EVI5: variants seen among roughly 807,000 people sequenced by gnomAD.
EVI5 encodes ecotropic viral integration site 5.
EVI5 carries 73 observed loss-of-function variants against 112.0 expected under a neutral mutation model. The observed-to-expected ratio is 0.65, with a 90% CI of 0.54 to 0.79. The LOEUF (loss-of-function observed/expected upper bound fraction) is 0.79, where lower values mean the gene tolerates loss of function less well. Ranked by LOEUF, EVI5 falls within the 30% of genes least tolerant of loss-of-function variation. The pLI is 0.00. For missense variants in EVI5, 900 were observed against 968.8 expected (o/e 0.93, Z 0.94); for synonymous variants, 305 against 319.9 (o/e 0.95, Z 0.50).
chr1:92,788,253 C>T (rs943870511), upstream of EVI5, among the ~76,000 whole-genome samples: 1 of 149,802 alleles, frequency 6.7e-6, no homozygotes, highest in African/African-American at 2.5e-5. Context: ...GTGGATTGCC[C>T]GAGCGGAAGA....
chr1:92,672,318 C>T (rs775230120), intron 10 of EVI5, among the ~76,000 whole-genome samples: 5 of 152,184 alleles, frequency 3.3e-5, no homozygotes, highest in African/African-American at 9.6e-5. Context: ...TTATCTGCAA[C>T]CTGCTCCATC....
chr1:92,663,973 C>G (rs1226419646), intron 11 of EVI5, among the ~76,000 whole-genome samples: 1 of 152,204 alleles, frequency 6.6e-6, no homozygotes, highest in East Asian at 1.9e-4. Flanking sequence ...ATCTTGAACT[C>G]CTGGCCTTAC....
chr1:92,532,880 A>G (rs1663115672), intron 19 of EVI5, among the ~76,000 whole-genome samples: 1 of 152,186 alleles, frequency 6.6e-6, no homozygotes, highest in South Asian at 2.1e-4. Context: ...AAAGAACTAG[A>G]GAAGCAGGAG....
intron 13 of EVI5, among the ~76,000 whole-genome samples, chr1:92,658,036 G>A (rs571589100): frequency 6.6e-6 from 1 of 152,252 alleles, no homozygotes; most frequent in South Asian, 2.1e-4. Flanking sequence ...ATCTCAACAT[G>A]AAATCTGGAA....
intron 10 of EVI5, among the ~76,000 whole-genome samples, chr1:92,667,197 C>A (rs747238334): frequency 6.6e-6 from 1 of 152,086 alleles, no homozygotes; most frequent in Non-Finnish European, 1.5e-5. Context: ...AGGGGGAAGA[C>A]GGCCTCAGCC....
At chr1:92,783,510 AAAG>A (rs1161210558) in intron 1 of EVI5, among the ~76,000 whole-genome samples, 3 of 148,844 alleles carry the variant, frequency 2.0e-5, no homozygotes, top group Non-Finnish European at 3.0e-5. Flanking sequence ...AAAAAAAAGA[AAAG>A]AAAAGAAAAG....
chr1:92,715,869 G>A (rs952392975), intron 2 of EVI5, among the ~76,000 whole-genome samples: 3 of 152,172 alleles, frequency 2.0e-5, no homozygotes, highest in African/African-American at 7.2e-5. Context: ...TAGCTCAGCA[G>A]TCTGATATCG....
At chr1:92,661,993 TA>T (rs1428983541) in intron 13 of EVI5, among the ~76,000 whole-genome samples, 1 of 152,112 alleles carries the variant, frequency 6.6e-6, no homozygotes, top group Non-Finnish European at 1.5e-5. Context: ...TATTCCTGAT[TA>T]AGATCGCCCT....
intron 2 of EVI5, among the ~76,000 whole-genome samples, chr1:92,714,764 A>G (rs921853161): frequency 4.0e-5 from 6 of 151,770 alleles, no homozygotes; most frequent in African/African-American, 1.5e-4. Flanking sequence ...TAATTCTTTT[A>G]TTTTCTGTAC....
intron 18 of EVI5, among the ~76,000 whole-genome samples, chr1:92,571,110 C>T (rs1670265037): frequency 6.6e-6 from 1 of 150,548 alleles, no homozygotes; most frequent in South Asian, 2.1e-4. Context: ...GTTTCTTCCG[C>T]AAAACTTTTA....
intron 1 of EVI5, among the ~76,000 whole-genome samples, chr1:92,739,759 T>C (rs1678065726): frequency 6.6e-6 from 1 of 152,146 alleles, no homozygotes. Flanking sequence ...ATTCTGATTT[T>C]AGATCAAAAA....
At chr1:92,690,886 A>G (rs1434134671) in intron 9 of EVI5, among the ~76,000 whole-genome samples, 1 of 152,202 alleles carries the variant, frequency 6.6e-6, no homozygotes, top group Admixed American at 6.5e-5. Flanking sequence ...ACATGGTATC[A>G]CCTATTAAGT....
chr1:92,636,359 G>A (rs1658829468), intron 13 of EVI5, 23 bp from the exon 14 acceptor site: 1 of 1,598,464 alleles, frequency 6.3e-7, no homozygotes, highest in African/African-American at 1.3e-5. Flanking sequence ...GACATACACT[G>A]AAATTTCATG....
chr1:92,742,431 G>A (rs1008216506), intron 1 of EVI5, among the ~76,000 whole-genome samples: 7 of 151,862 alleles, frequency 4.6e-5, no homozygotes, highest in African/African-American at 9.7e-5. Context: ...CCAGCACTTC[G>A]GGAGGCTGAA....
At chr1:92,773,612 AG>A (rs1558240363) in intron 1 of EVI5, among the ~76,000 whole-genome samples, 1 of 152,210 alleles carries the variant, frequency 6.6e-6, no homozygotes, top group East Asian at 1.9e-4. Context: ...ACTGCACTCC[AG>A]CCTGGGAAAC....
chr1:92,548,116 A>G (rs565402405), intron 19 of EVI5, among the ~76,000 whole-genome samples: 104 of 152,312 alleles, frequency 6.8e-4, no homozygotes, highest in African/African-American at 2.2e-3. Context: ...CTGGCAAACC[A>G]AATCCAGCAG....
intron 19 of EVI5, among the ~76,000 whole-genome samples, chr1:92,544,972 T>C (rs566504645): frequency 1.3e-3 from 195 of 152,344 alleles, no homozygotes; most frequent in African/African-American, 4.6e-3. Context: ...ATGACATTTC[T>C]AGCTGTCCAG....
chr1:92,566,050 T>C (rs1032337126), intron 18 of EVI5, among the ~76,000 whole-genome samples: 1 of 150,998 alleles, frequency 6.6e-6, no homozygotes, highest in African/African-American at 2.4e-5. Flanking sequence ...GTGTTAACTG[T>C]CCTCCCTACC....
chr1:92,612,230 C>T (rs1270117478), intron 16 of EVI5, among the ~76,000 whole-genome samples: 2 of 150,222 alleles, frequency 1.3e-5, no homozygotes, highest in Non-Finnish European at 1.5e-5. Context: ...AAGAGTCAAA[C>T]CAGTACAGAG....
Sources: gnomAD v4.1 joint callset for allele counts (sites outside exome capture counted in the v4.1 genomes callset) on GRCh38, gnomAD v4.1.1 for gene constraint, MANE v1.5 for transcripts, NCBI Gene and HGNC (gene_info 2026-07-23, HGNC 2026-07-21) for gene names.